The following TMPO variants were observed in gnomAD, a reference collection of about 807,000 sequenced individuals.
The protein encoded by TMPO is LEM domain containing 4.
Under a neutral mutation model 45.4 loss-of-function variants are expected in TMPO, and 22 were observed. The ratio of observed to expected loss-of-function variants is 0.48; its 90% CI spans 0.35 to 0.69. The LOEUF is 0.69. Among genes scored for constraint, TMPO ranks in the 30% least tolerant of loss-of-function variants. The probability of loss-of-function intolerance (pLI) is 0.01; values close to 1 mark genes in which losing one functional copy is unlikely to be tolerated. For missense variants in TMPO, 512 were observed against 548.8 expected, an observed-to-expected ratio of 0.93 and a Z score of 0.67; for synonymous variants, 241 against 204.1, an observed-to-expected ratio of 1.18 and a Z score of -1.54.
intron 3 of TMPO, among the ~76,000 whole-genome samples, 170 bp from the exon 4 acceptor site, chr12:98,537,304 GT>G (rs1877632180): frequency 6.6e-6 from 1 of 152,148 alleles, no homozygotes; most frequent in African/African-American, 2.4e-5. Flanking sequence ...TAATGAAACA[GT>G]TTTCAAGACA....
intron 1 of TMPO, among the ~76,000 whole-genome samples, chr12:98,523,315 A>G (rs1382587702): frequency 6.6e-6 from 1 of 152,174 alleles, no homozygotes; most frequent in Non-Finnish European, 1.5e-5. Context: ...GCACTTTGGG[A>G]GGCCGAGGCA....
At chr12:98,520,256 G>T (rs191608636) in intron 1 of TMPO, among the ~76,000 whole-genome samples, 136 of 116,620 alleles carry the variant, frequency 1.2e-3, no homozygotes, top group African/African-American at 4.8e-3. Flanking sequence ...CACCGCGCCC[G>T]GCCAACCATA....
chr12:98,533,591 T>C (rs1425784435), intron 3 of TMPO: 2 of 1,614,224 alleles, frequency 1.2e-6, no homozygotes, highest in Non-Finnish European at 8.5e-7. Context: ...TCAGGTTCCT[T>C]TGTGGCATTT....
chr12:98,519,866 C>T (rs1039250305), intron 1 of TMPO, among the ~76,000 whole-genome samples: 4 of 152,006 alleles, frequency 2.6e-5, no homozygotes, highest in Admixed American at 2.6e-4. Context: ...CATGTCAATT[C>T]CTCTTATATG....
intron 4 of TMPO, among the ~76,000 whole-genome samples, chr12:98,543,184 A>G (rs1310372716): frequency 6.6e-6 from 1 of 152,250 alleles, no homozygotes; most frequent in Non-Finnish European, 1.5e-5. Context: ...TTTAATAGAC[A>G]TTGACTTGGA....
At chr12:98,540,026 A>G (rs931758807) in intron 4 of TMPO, among the ~76,000 whole-genome samples, 2 of 152,236 alleles carry the variant, frequency 1.3e-5, no homozygotes, top group African/African-American at 4.8e-5. Flanking sequence ...GGATCCAGAC[A>G]GGATCCACAT....
chr12:98,546,262 G>C, intron 7 of TMPO, 97 bp from the exon 8 acceptor site: 2 of 822,912 alleles, frequency 2.4e-6, no homozygotes, highest in Admixed American at 3.5e-5. Flanking sequence ...AGATTTAAAG[G>C]CATTTTGTTC....
Position 98,537,398 on chromosome 12 carries a change from T to C in TMPO, c.566-77T>C, listed in dbSNP as rs553710856. The C allele has an allele frequency of 2.3e-5, 28 of 1,243,252 alleles. No individual in the cohort carries two copies. In the East Asian group the frequency reaches 6.1e-4, roughly 27 times the overall value. 77.0% of individuals were successfully genotyped at this position (1,243,252 alleles called of 1,614,324 possible). On this transcript the variant is annotated intron_variant, in intron 3 of 8. Transcript: ENST00000556029. ...CTTTTAATGTGCCTAAAACCAGGGT[T>C]CCCGATTAATATTAGGATAACATCA...
At chr12:98,533,679 A>G (rs1877368105) in intron 3 of TMPO, 1 of 1,614,100 alleles carries the variant, frequency 6.2e-7, no homozygotes, top group Non-Finnish European at 8.5e-7. Flanking sequence ...CCTTAGGTCT[A>G]GAAGTGGCTA....
chr12:98,527,508 G>A (rs1158006067), intron 1 of TMPO: 3 of 214,400 alleles, frequency 1.4e-5, no homozygotes, highest in Non-Finnish European at 2.7e-5. Context: ...GGGTGACATA[G>A]CTAGACCCTG....
At chr12:98,527,351 C>CAA (rs1175889026) in intron 1 of TMPO, among the ~76,000 whole-genome samples, 2 of 100,670 alleles carry the variant, frequency 2.0e-5, no homozygotes, top group East Asian at 5.7e-4. Context: ...AAAAAAAAAA[C>CAA]AAAAAAAAAA....
rs774136931 is a variant in TMPO at position 98,547,832 on chromosome 12, C to T, written c.1339C>T (p.His447Tyr). Residue 447 changes from histidine (H) to tyrosine (Y), a missense_variant, in exon 9 of 9, where the codon CAT becomes TAT. Around this residue, in one of 3 missense-constraint regions of TMPO, gnomAD observed 209 missense variants for 235.1 expected, o/e 0.89. Transcript: ENST00000556029. Reference protein sequence around the residue: ...NQVNPFSNFLHVDPRKSN With the variant: ...NQVNPFSNFLYVDPRKSN ...AGTAAATCCCTTCTCTAATTTTCTT[C>T]ATGTTGACCCTAGAAAATCCAACTG... The T allele has an allele frequency of 6.8e-6, 11 of 1,614,038 alleles. No individual in the cohort carries two copies. The South Asian group carries it at 1.2e-4, about 18-fold the overall frequency.
Position 98,515,886 on chromosome 12 carries a change from G to T in TMPO, c.19G>T (p.Asp7Tyr). Residue 7 changes from aspartate to tyrosine, a missense_variant, in exon 1 of 9, where the codon GAC becomes TAC. Physicochemically the swap from Asp to Tyr is radical, Grantham distance 160. This residue lies in a region of TMPO where 299 missense variants were observed against 296.7 expected (regional missense o/e 1.01). Transcript: ENST00000556029. ...CCCCGAGATGCCGGAGTTCCTGGAA[G>T]ACCCCTCGGTCCTGACAAAAGACAA... is the stretch of plus-strand genomic sequence containing the variant. MPEFLE[D>Y]PSVLTKDKLK... is the part of the protein sequence containing the mutation. 6.2e-7 allele frequency: 1 copy of T among 1,613,658 alleles called. No individual in the cohort carries two copies. Among genetic ancestry groups the T allele is most frequent in the Non-Finnish European group, 8.5e-7 (1 of 1,179,774 alleles).
intron 4 of TMPO, among the ~76,000 whole-genome samples, chr12:98,541,224 C>T (rs548094375): frequency 6.6e-6 from 1 of 152,256 alleles, no homozygotes; most frequent in South Asian, 2.1e-4. Context: ...TTCTAAGGAA[C>T]CGTGATCCTT....
intron 4 of TMPO, among the ~76,000 whole-genome samples, chr12:98,543,375 C>T (rs1225179791): frequency 1.3e-5 from 2 of 152,184 alleles, no homozygotes; most frequent in Non-Finnish European, 2.9e-5. Flanking sequence ...TGCGGAATTT[C>T]GGGCCCTACA....
intron 1 of TMPO, among the ~76,000 whole-genome samples, chr12:98,524,599 T>C (rs2121152083): frequency 6.6e-6 from 1 of 151,294 alleles, no homozygotes; most frequent in Non-Finnish European, 1.5e-5. Context: ...AAAAAAGAGT[T>C]AAGATTTTTT....
chr12:98,540,606 G>A (rs1053632865), intron 4 of TMPO, among the ~76,000 whole-genome samples: 4 of 152,100 alleles, frequency 2.6e-5, no homozygotes, highest in Non-Finnish European at 5.9e-5. Context: ...TCGAACTCCC[G>A]ACCTCAGGTG....
rs746123043 is a variant in TMPO at position 98,547,638 on chromosome 12, T to A, written c.1145T>A (p.Met382Lys). The A allele has an allele frequency of 1.2e-6, 2 of 1,614,200 alleles. No homozygotes were observed. The highest frequency in any genetic ancestry group is 1.7e-6 in the Non-Finnish European group (2 of 1,180,034). Reference protein sequence around the residue: ...GRPLELSDFRMEESFSSKYVP... With the variant: ...GRPLELSDFRKEESFSSKYVP... ...CCATTAGAACTCAGTGATTTCAGGA[T>A]GGAGGAGTCTTTTTCATCTAAATAT... The change falls in exon 9 of 9, where the codon ATG becomes AAG. Residue 382 changes from methionine (M) to lysine (K), a missense_variant. By Grantham distance (95) the Met-to-Lys change is moderately conservative. Coordinates refer to ENST00000556029, the MANE Select transcript of TMPO (RefSeq NM_001032283.3).
rs1403695655 is a variant in TMPO, at chr12:98,546,351, C to CT, written c.991-6dup. On this transcript the variant is annotated splice_polypyrimidine_tract_variant and splice_region_variant and intron_variant, in intron 7 of 8. Coordinates refer to ENST00000556029, the MANE Select transcript of TMPO (RefSeq NM_001032283.3). ...CTTGTGGTTGTTTGTTTGTCTGTTT[C>CT]TTATTAGGTGGGAGAAAAAACAGAG... 3.8e-6 allele frequency: 6 copies of CT among 1,591,628 alleles called. No homozygotes were observed. In the African/African-American group the frequency reaches 8.1e-5, roughly 21 times the overall value.
Sources: allele counts gnomAD v4.1 joint callset (sites outside exome capture counted in the v4.1 genomes callset), GRCh38; gene constraint gnomAD v4.1.1; regional missense constraint gnomAD v4.1.1; transcripts MANE v1.5; gene names NCBI Gene and HGNC (gene_info 2026-07-23, HGNC 2026-07-21).